The following WDR49 variants were observed in gnomAD, a reference collection of about 807,000 sequenced individuals.
WDR49 encodes cilia- and flagella-associated protein 337.
Under a neutral mutation model 119.5 loss-of-function variants are expected in WDR49, and 107 were observed. The ratio of observed to expected loss-of-function variants is 0.90; its 90% CI spans 0.77 to 1.05. WDR49 has a LOEUF of 1.05. WDR49 is among the 50% of genes least tolerant of loss of function. WDR49 has a pLI of 0.00. For synonymous variants in WDR49, 425 were observed against 418.8 expected (o/e 1.01, Z -0.18); for missense variants, 1,240 against 1,220.5 (o/e 1.02, Z -0.24).
At chr3:167,519,749 A>G (rs1033184260) in intron 16 of WDR49, among the ~76,000 whole-genome samples, 2 of 152,192 alleles carry the variant, frequency 1.3e-5, no homozygotes, top group Non-Finnish European at 2.9e-5. Context: ...ACATTTACCT[A>G]TGTAACAAAG....
chr3:167,537,076 T>A, intron 10 of WDR49, 76 bp from the exon 11 acceptor site: 1 of 1,360,998 alleles, frequency 7.3e-7, no homozygotes, highest in Non-Finnish European at 9.6e-7. Context: ...TCCACTTGAA[T>A]GATGTGATCC....
rs1715152277 is a variant in WDR49, at chr3:167,592,230, T to C, written c.1275+9897A>G. 5.9e-5 allele frequency among the ~76,000 whole-genome samples: 9 copies of C among 152,256 alleles called. No homozygotes were observed. The South Asian group carries it at 1.2e-3, about 21-fold the overall frequency. On this transcript the variant is annotated intron_variant, in intron 7 of 18. Transcript: ENST00000682715. The stretch of plus-strand genomic sequence containing the variant: ...ACTTCATGCTCCTTAACTTTTTAAC[T>C]TTCTGTTGTTTCTATTTATATCTTA...
chr3:167,570,429 A>C (rs1713866621), intron 8 of WDR49, among the ~76,000 whole-genome samples: 1 of 152,230 alleles, frequency 6.6e-6, no homozygotes, highest in Non-Finnish European at 1.5e-5. Context: ...TATCAAGAGA[A>C]AATTATACCT....
At chr3:167,648,837 T>C (rs1258698780) in intron 2 of WDR49, among the ~76,000 whole-genome samples, 1 of 152,184 alleles carries the variant, frequency 6.6e-6, no homozygotes, top group Non-Finnish European at 1.5e-5. Context: ...TGCTTACCCA[T>C]TAGAAATACC....
intron 17 of WDR49, among the ~76,000 whole-genome samples, chr3:167,502,180 C>A (rs1254286981): frequency 6.6e-6 from 1 of 152,180 alleles, no homozygotes; most frequent in Non-Finnish European, 1.5e-5. Context: ...GTGATGTTGC[C>A]TGCTTCCCCT....
At chr3:167,520,700 A>T (rs1752403930) in intron 16 of WDR49, among the ~76,000 whole-genome samples, 1 of 152,188 alleles carries the variant, frequency 6.6e-6, no homozygotes. Flanking sequence ...TTTGAAAGCA[A>T]AGTAATTTAT....
At chr3:167,513,517 C>T (rs1392509795) in intron 16 of WDR49, among the ~76,000 whole-genome samples, 2 of 152,082 alleles carry the variant, frequency 1.3e-5, no homozygotes, top group African/African-American at 4.8e-5. Flanking sequence ...CCCTGAAGTA[C>T]ACAGACCAAT....
At chr3:167,635,814 T>C (rs1269991300) in intron 2 of WDR49, among the ~76,000 whole-genome samples, 1 of 151,670 alleles carries the variant, frequency 6.6e-6, no homozygotes, top group Non-Finnish European at 1.5e-5. Flanking sequence ...CTTCCACCCA[T>C]TGATCTACTC....
chr3:167,609,496 C>G (rs1056873421), intron 5 of WDR49, among the ~76,000 whole-genome samples: 3 of 152,124 alleles, frequency 2.0e-5, no homozygotes, highest in Admixed American at 2.0e-4. Flanking sequence ...ACAGAGGGAA[C>G]CTTAGCAGAG....
upstream of WDR49, among the ~76,000 whole-genome samples, chr3:167,657,844 C>T (rs1381853227): frequency 6.6e-6 from 1 of 152,160 alleles, no homozygotes; most frequent in Non-Finnish European, 1.5e-5. Context: ...TGCCTCTTGA[C>T]CTCATGCCTT....
chr3:167,640,230 G>A (rs553637008), intron 2 of WDR49, among the ~76,000 whole-genome samples: 48 of 151,918 alleles, frequency 3.2e-4, no homozygotes, highest in African/African-American at 1.1e-3. Flanking sequence ...GAACTTCTGT[G>A]TTCTGGATAC....
rs1435056511 is a variant in WDR49, at chr3:167,554,651, T to G, written c.1822A>C (p.Arg608=). 1 of 1,481,794 alleles carries G rather than the reference T, an allele frequency of 6.7e-7. No individual in the cohort carries two copies. Among genetic ancestry groups the G allele is most frequent in the Non-Finnish European group, 9.3e-7 (1 of 1,078,956 alleles). 91.8% of individuals were successfully genotyped at this position (1,481,794 alleles called of 1,614,324 possible). A position where few individuals can be genotyped will look rare whatever the true frequency, so the allele number is the denominator to read the frequency against. ...AAATAAAAACATTCTCCTTTTTACC[T>G]TCCTATAGTTTTCCATGAGGCATAA... is the stretch of plus-strand genomic sequence containing the variant. ...YDYASWKTIG[R]AITVFRPQNF... The change falls in exon 10 of 19, where the codon AGG becomes CGG. Residue 608 remains arginine (R), a splice_region_variant and synonymous_variant. Coordinates refer to ENST00000682715, the MANE Select transcript of WDR49 (RefSeq NM_001366157.1).
rs1332721675 is a variant in WDR49 at position 167,585,393 on chromosome 3, T to TGC, written c.1276-9243_1276-9242insGC. Among the ~76,000 whole-genome samples the TGC allele has an allele frequency of 1.1e-4, 7 of 63,660 alleles. No individual in the cohort carries two copies. In the African/African-American group the frequency reaches 1.4e-3, roughly 12 times the overall value. 41.8% of individuals were successfully genotyped at this position (63,660 alleles called of 152,430 possible). A position where few individuals can be genotyped will look rare whatever the true frequency, so the allele number is the denominator to read the frequency against. On this transcript the variant is annotated intron_variant, in intron 7 of 18. Coordinates refer to ENST00000682715, the MANE Select transcript of WDR49 (RefSeq NM_001366157.1). ...ACCTAAGAGGTCTTAAAAGGGTGCG[T>TGC]GTGTGTGTGTGTGTGTGTGTGTGTG...
chr3:167,510,957 A>G (rs764245251), intron 16 of WDR49, among the ~76,000 whole-genome samples: 10 of 147,072 alleles, frequency 6.8e-5, no homozygotes, highest in Non-Finnish European at 1.0e-4. Context: ...TTTCATATGG[A>G]TGAGAGCTAG....
chr3:167,563,369 A>AAAAAAAAAG (rs60196214), intron 8 of WDR49, among the ~76,000 whole-genome samples: 1 of 149,198 alleles, frequency 6.7e-6, no homozygotes, highest in Non-Finnish European at 1.5e-5. Flanking sequence ...AAAAAAAAAA[A>AAAAAAAAAG]AAAAAAAAGA....
intron 17 of WDR49, among the ~76,000 whole-genome samples, chr3:167,505,065 A>G (rs1202937731): frequency 6.6e-6 from 1 of 152,230 alleles, no homozygotes. Flanking sequence ...TAGCAATGCA[A>G]GAGTGGTCCA....
At chr3:167,535,842 T>C (rs1218574662) in intron 11 of WDR49, among the ~76,000 whole-genome samples, 1 of 152,022 alleles carries the variant, frequency 6.6e-6, no homozygotes, top group Non-Finnish European at 1.5e-5. Context: ...TAAATGTCCA[T>C]CAATGAATAA....
At chr3:167,521,269 T>G (rs1239614152) in intron 16 of WDR49, among the ~76,000 whole-genome samples, 1 of 152,054 alleles carries the variant, frequency 6.6e-6, no homozygotes, top group African/African-American at 2.4e-5. Context: ...CATAAGAAAC[T>G]AGTCAAAGAG....
At chr3:167,489,134 C>T (rs556525700) in intron 18 of WDR49, among the ~76,000 whole-genome samples, 22 of 152,144 alleles carry the variant, frequency 1.4e-4, no homozygotes, top group African/African-American at 5.3e-4. Context: ...ATCTCTCTTC[C>T]TAGACAATAA....
Sources: gnomAD v4.1 joint callset for allele counts (sites outside exome capture counted in the v4.1 genomes callset) on GRCh38, gnomAD v4.1.1 for gene constraint, MANE v1.5 for transcripts, NCBI Gene and HGNC (gene_info 2026-07-23, HGNC 2026-07-21) for gene names.